Variants in ITPKC observed in about 807,000 individuals in gnomAD.
ITPKC encodes IP3 3-kinase C.
In ITPKC, 33 loss-of-function variants were observed where a neutral mutation model predicts 67.1. That is an observed-to-expected ratio of 0.49 (90% CI 0.37 to 0.66). ITPKC has a LOEUF of 0.66. ITPKC is among the 30% of genes least tolerant of loss of function. ITPKC has a pLI of 0.00. For synonymous variants in ITPKC, 341 were observed against 359.8 expected, an observed-to-expected ratio of 0.95 and a Z score of 0.59; for missense variants, 820 against 892.1, an observed-to-expected ratio of 0.92 and a Z score of 1.03.
rs192656929 is a variant in ITPKC at position 40,727,054 on chromosome 19, G to A, written c.1255+1615G>A. 4.6e-4 allele frequency among the ~76,000 whole-genome samples: 70 copies of A among 152,166 alleles called. No individual in the cohort carries two copies. In the East Asian group the frequency reaches 0.012, roughly 26 times the overall value. On this transcript the variant is annotated intron_variant, in intron 2 of 6. Transcript: ENST00000263370. ...GAGACCCTGTCTCAAAAATAAATACGCCAGGGGCGGTGGCTCACGCCTGTA... is the reference window on the plus strand; with the variant it reads ...GAGACCCTGTCTCAAAAATAAATACACCAGGGGCGGTGGCTCACGCCTGTA...
intron 1 of ITPKC, among the ~76,000 whole-genome samples, chr19:40,719,367 GAATAAT>G (rs5828077): frequency 3.9e-4 from 58 of 150,054 alleles, no homozygotes; most frequent in African/African-American, 1.0e-3. Context: ...GGAAGTGGGT[GAATAAT>G]AATAATAATA....
intron 5 of ITPKC, 35 bp from the exon 6 acceptor site, chr19:40,737,663 C>G: frequency 6.3e-7 from 1 of 1,599,312 alleles, no homozygotes; most frequent in Non-Finnish European, 8.6e-7. Context: ...CCACAAAGTC[C>G]CCATGCTAAC....
At chr19:40,730,751 A>G (rs561088476) in intron 3 of ITPKC, among the ~76,000 whole-genome samples, 1 of 152,238 alleles carries the variant, frequency 6.6e-6, no homozygotes, top group Non-Finnish European at 1.5e-5. Context: ...TTTTGTAGAG[A>G]CAGGCTATTT....
At chr19:40,737,237 G>A in intron 5 of ITPKC, 150 bp downstream of exon 5, 1 of 629,434 alleles carries the variant, frequency 1.6e-6, no homozygotes, top group Middle Eastern at 3.3e-4. Flanking sequence ...GGCTTGGCAA[G>A]GCTGGCTGGT....
At chr19:40,729,473 A>G (rs1318697907) in intron 3 of ITPKC, 58 bp downstream of exon 3, 2 of 1,502,206 alleles carry the variant, frequency 1.3e-6, no homozygotes, top group African/African-American at 2.7e-5. Context: ...CATTATTGAA[A>G]ATATTGGCCT....
rs750902552 is a variant in ITPKC, at chr19:40,717,850, G to A, written c.715G>A (p.Gly239Ser). 2 of 1,614,144 alleles carry A rather than the reference G, an allele frequency of 1.2e-6. No homozygotes were observed. Among genetic ancestry groups the A allele is most frequent in the Non-Finnish European group, 8.5e-7 (1 of 1,180,024 alleles). Reference protein sequence around the residue: ...DGSRTQQDIEGPWTEPYTDGS... With the variant: ...DGSRTQQDIESPWTEPYTDGS... ...CTCCAGGACACAACAGGATATTGAA[G>A]GTCCCTGGACAGAGCCATATACTGA... Residue 239 changes from glycine (G) to serine (S), a missense_variant, in exon 1 of 7, where the codon GGT becomes AGT. By Grantham distance (56) the Gly-to-Ser change is moderately conservative. Around this residue, in one of 2 missense-constraint regions of ITPKC, gnomAD observed 481 missense variants for 470.1 expected, o/e 1.02. Transcript: ENST00000263370.
At chr19:40,736,149 G>C (rs529280860) in intron 4 of ITPKC, among the ~76,000 whole-genome samples, 2 of 152,096 alleles carry the variant, frequency 1.3e-5, no homozygotes, top group South Asian at 4.1e-4. Context: ...AAATTAGCCA[G>C]GCGTGGTGGC....
chr19:40,717,946 C>T lies in ITPKC; in HGVS notation c.811C>T (p.Gln271Ter). The change falls in exon 1 of 7, where the codon CAG (glutamine) becomes TAG (stop). Residue 271 changes from glutamine to a stop codon, truncating the protein, a stop_gained. Coordinates refer to ENST00000263370, the MANE Select transcript of ITPKC (RefSeq NM_025194.3). LOFTEE classifies it high-confidence loss of function. ...TGGCACTGGTGGTTTCCAAATACAACAGGATACTGATGGCTCCTGGACACA... is the reference window on the plus strand; with the variant it reads ...TGGCACTGGTGGTTTCCAAATACAATAGGATACTGATGGCTCCTGGACACA... ...QPGTGGFQIQQDTDGSWTQPS... is the reference protein window; with the variant it reads ...QPGTGGFQIQ 6.2e-6 allele frequency: 10 copies of T among 1,614,176 alleles called. No homozygotes were observed. The highest frequency in any genetic ancestry group is 8.5e-6 in the Non-Finnish European group (10 of 1,180,032).
At chr19:40,719,006 G>T (rs754374049) in intron 1 of ITPKC, among the ~76,000 whole-genome samples, 11 of 152,132 alleles carry the variant, frequency 7.2e-5, no homozygotes, top group Non-Finnish European at 1.5e-4. Context: ...AGGACCGGCC[G>T]GGCAGGTTCA....
intron 2 of ITPKC, among the ~76,000 whole-genome samples, chr19:40,728,663 G>A (rs2082256790): frequency 6.6e-6 from 1 of 152,128 alleles, no homozygotes; most frequent in Non-Finnish European, 1.5e-5. Context: ...TCCTGTGCTG[G>A]GAACAGGACT....
chr19:40,731,154 C>A (rs1012997512), intron 3 of ITPKC, among the ~76,000 whole-genome samples: 1 of 152,182 alleles, frequency 6.6e-6, no homozygotes, highest in Non-Finnish European at 1.5e-5. Flanking sequence ...TCCCCAACCC[C>A]TGGGCCGCAG....
chr19:40,735,364 G>A (rs1277705977), intron 4 of ITPKC, among the ~76,000 whole-genome samples: 1 of 150,890 alleles, frequency 6.6e-6, no homozygotes, highest in African/African-American at 2.4e-5. Flanking sequence ...TTGAGACAGG[G>A]TCTCACTCTG....
intron 3 of ITPKC, among the ~76,000 whole-genome samples, chr19:40,731,604 T>TG (rs1324306070): frequency 7.3e-6 from 1 of 136,428 alleles, no homozygotes; most frequent in Non-Finnish European, 1.6e-5. Context: ...GGTTTTTTTT[T>TG]TTTTTTTTTT....
intron 1 of ITPKC, among the ~76,000 whole-genome samples, chr19:40,720,491 A>G (rs903108290): frequency 1.3e-5 from 2 of 152,100 alleles, no homozygotes; most frequent in African/African-American, 2.4e-5. Context: ...CTGAGTTTCA[A>G]ACCCATCGTT....
At chr19:40,722,334 G>A (rs190685356) in intron 1 of ITPKC, among the ~76,000 whole-genome samples, 17 of 152,152 alleles carry the variant, frequency 1.1e-4, no homozygotes, top group African/African-American at 3.9e-4. Flanking sequence ...AATTAAGTAG[G>A]TTGTGGCACA....
chr19:40,734,508 A>G (rs1437398732), intron 4 of ITPKC, among the ~76,000 whole-genome samples: 1 of 152,144 alleles, frequency 6.6e-6, no homozygotes, highest in South Asian at 2.1e-4. Flanking sequence ...CGACCATGCC[A>G]TTCTCCTGTT....
intron 4 of ITPKC, among the ~76,000 whole-genome samples, chr19:40,735,404 G>A (rs148832404): frequency 2.6e-5 from 4 of 151,258 alleles, no homozygotes; most frequent in East Asian, 1.9e-4. Flanking sequence ...ACAGTGGCGC[G>A]ATCACAGCTC....
At position 40,733,188 on chromosome 19, in the gene ITPKC, G is replaced by T. The variant is rs761439785; in HGVS notation, c.1498G>T (p.Ala500Ser). The change falls in exon 4 of 7, where the codon GCA (alanine) becomes TCA (serine). Residue 500 changes from alanine (A) to serine (S), a missense_variant. Transcript: ENST00000263370. ...CTATCTGGAAGAGGAGCTAGTGAAG[G>T]CACGGGAACGTCCCCGTCCCCGGAA... ...RTYLEEELVK[A>S]RERPRPRKDM... The T allele has an allele frequency of 6.2e-7, 1 of 1,614,234 alleles. No homozygotes were observed. Among genetic ancestry groups the T allele is most frequent in the Admixed American group, 1.7e-5 (1 of 60,032 alleles).
chr19:40,729,052 A>C (rs2082258415), intron 2 of ITPKC, 150 bp from the exon 3 acceptor site: 3 of 619,998 alleles, frequency 4.8e-6, no homozygotes, highest in Non-Finnish European at 8.5e-6. Context: ...AAATCTTAAA[A>C]TCATTAAAAA....
Sources: gnomAD v4.1 joint callset for allele counts (sites outside exome capture counted in the v4.1 genomes callset) on GRCh38, gnomAD v4.1.1 for gene constraint, gnomAD v4.1.1 regional missense constraint, MANE v1.5 for transcripts, NCBI Gene and HGNC (gene_info 2026-07-23, HGNC 2026-07-21) for gene names.